Variants in BOLA3 observed in about 807,000 individuals in gnomAD.
BOLA3 encodes the protein bolA-like protein 3.
A neutral mutation model predicts 14.5 loss-of-function variants in BOLA3; 8 were observed. The observed-to-expected ratio is 0.55, with a 90% CI of 0.32 to 0.99. The LOEUF (loss-of-function observed/expected upper bound fraction) is 0.99, where lower values mean the gene tolerates loss of function less well. Among genes scored for constraint, BOLA3 ranks in the 50% least tolerant of loss-of-function variants. BOLA3 has a pLI of 0.04. For missense variants in BOLA3, 115 were observed against 138.2 expected (o/e 0.83, Z 0.84); for synonymous variants, 42 against 45.7 (o/e 0.92, Z 0.33).
intron 3 of BOLA3, among the ~76,000 whole-genome samples, chr2:74,139,050 C>T (rs1692387922): frequency 6.6e-6 from 1 of 152,116 alleles, no homozygotes; most frequent in Non-Finnish European, 1.5e-5. Flanking sequence ...GTAAGTATTT[C>T]CCAAGAGAAG....
At chr2:74,142,945 G>T (rs909753331) in intron 2 of BOLA3, among the ~76,000 whole-genome samples, 1 of 152,154 alleles carries the variant, frequency 6.6e-6, no homozygotes, top group African/African-American at 2.4e-5. Flanking sequence ...TTTGGGGGGA[G>T]AACTTTTTGG....
chr2:74,140,781 C>T (rs1332186270), intron 3 of BOLA3, among the ~76,000 whole-genome samples: 4 of 152,178 alleles, frequency 2.6e-5, no homozygotes, highest in Admixed American at 6.5e-5. Context: ...CAGTGGTCAA[C>T]GTGTACTTTA....
intron 2 of BOLA3, among the ~76,000 whole-genome samples, chr2:74,143,099 T>A (rs1009605225): frequency 6.6e-5 from 10 of 151,950 alleles, no homozygotes; most frequent in Non-Finnish European, 1.2e-4. Context: ...GTCCCCTGCA[T>A]GATTTACAGA....
chr2:74,143,687 A>AT (rs913427783), intron 2 of BOLA3, among the ~76,000 whole-genome samples: 51 of 148,894 alleles, frequency 3.4e-4, no homozygotes, highest in African/African-American at 5.7e-4. Flanking sequence ...ATTCCAGCAG[A>AT]TTTTTTTTTT....
At chr2:74,143,831 T>A (rs2001519) in intron 2 of BOLA3, among the ~76,000 whole-genome samples, 15,466 of 146,372 alleles carry the variant, frequency 0.11, 2,705 homozygotes, top group African/African-American at 0.37. Flanking sequence ...GGATTACAGG[T>A]GCCTGCTACC....
chr2:74,139,964 C>T (rs1367063497), intron 3 of BOLA3, among the ~76,000 whole-genome samples: 1 of 152,114 alleles, frequency 6.6e-6, no homozygotes. Context: ...CATAGTGGAA[C>T]CCCATCTCTA....
intron 2 of BOLA3, among the ~76,000 whole-genome samples, chr2:74,142,689 C>T (rs192484607): frequency 1.3e-3 from 200 of 152,314 alleles, no homozygotes; most frequent in Non-Finnish European, 1.3e-3. Flanking sequence ...ATAAACGCCA[C>T]GGAAGAGGAT....
intron 2 of BOLA3, among the ~76,000 whole-genome samples, chr2:74,143,167 T>A (rs1016705279): frequency 6.6e-6 from 1 of 152,008 alleles, no homozygotes; most frequent in African/African-American, 2.4e-5. Context: ...TGCTTCTTTT[T>A]TTTTTTGAGA....
chr2:74,136,987 A>G (rs1692343519), intron 3 of BOLA3, among the ~76,000 whole-genome samples: 1 of 152,232 alleles, frequency 6.6e-6, no homozygotes, highest in Non-Finnish European at 1.5e-5. Flanking sequence ...GGACCGCTCA[A>G]GTTTATAATC....
intron 3 of BOLA3, among the ~76,000 whole-genome samples, chr2:74,141,653 C>G (rs535813526): frequency 6.6e-6 from 1 of 152,228 alleles, no homozygotes; most frequent in Admixed American, 6.5e-5. Flanking sequence ...CTGTGCTTTA[C>G]AAAAATAACA....
chr2:74,145,016 CCTGA>C (rs1692518224), intron 2 of BOLA3, among the ~76,000 whole-genome samples, 169 bp downstream of exon 2: 1 of 152,170 alleles, frequency 6.6e-6, no homozygotes, highest in African/African-American at 2.4e-5. Flanking sequence ...ATTTCTGAAT[CCTGA>C]CTGCCATCCC....
chr2:74,145,995 C>CAT (rs952865058), intron 1 of BOLA3: 1 of 139,910 alleles, frequency 7.1e-6, no homozygotes, highest in Non-Finnish European at 1.6e-5. Flanking sequence ...TTTGTGTTTC[C>CAT]TTTTTTTTTT....
At chr2:74,142,025 G>A (rs1186352140) in intron 3 of BOLA3, among the ~76,000 whole-genome samples, 1 of 152,200 alleles carries the variant, frequency 6.6e-6, no homozygotes, top group Admixed American at 6.5e-5. Context: ...AGTAAACATA[G>A]GTAGCATTAT....
rs995996267 is a variant in BOLA3, at chr2:74,147,809, G to C, written c.54+12C>G. ...TCCCGGGGAGAGCAGCCCCGACCCT[G>C]CCCACGCTCACCCCGCGGATCCCGC... On this transcript the variant is annotated intron_variant, in intron 1 of 3. Transcript: ENST00000327428. The C allele has an allele frequency of 2.5e-4, 375 of 1,529,180 alleles. 3 individuals are homozygous for C. The African/African-American group carries it at 4.3e-3, about 17-fold the overall frequency. The allele number at this position is 1,529,180 out of a possible 1,614,324, so 94.7% of individuals were successfully genotyped here.
Position 74,135,541 on chromosome 2 carries a change from G to C in BOLA3, c.*52C>G. ...GACTGCTTAGGGAAGAATGATGTCAGTGAAGTTCATCCAAGGTCTTAAGCA... is the reference window on the plus strand; with the variant it reads ...GACTGCTTAGGGAAGAATGATGTCACTGAAGTTCATCCAAGGTCTTAAGCA... On this transcript the variant is annotated 3_prime_UTR_variant, in exon 4 of 4. Coordinates refer to ENST00000327428, the MANE Select transcript of BOLA3 (RefSeq NM_212552.3). 6.2e-7 allele frequency: 1 copy of C among 1,611,230 alleles called. No homozygotes were observed. The highest frequency in any genetic ancestry group is 1.1e-5 in the South Asian group (1 of 91,012).
intron 1 of BOLA3, 128 bp from the exon 2 acceptor site, chr2:74,145,431 T>C: frequency 2.8e-6 from 2 of 722,732 alleles, no homozygotes; most frequent in Non-Finnish European, 5.1e-6. Flanking sequence ...AGCACAGCCA[T>C]GGGTTATGTC....
At position 74,135,637 on chromosome 2, in the gene BOLA3, C is replaced by G. The variant is rs1166725845; in HGVS notation, c.280G>C (p.Glu94Gln). ...GTAAATATCCGCAATCCATGCATCT[C>G]TTTGATTTCTTCTTTTAGTGCCTAA... The part of the protein sequence containing the change: ...VNQALKEEIK[E>Q]MHGLRIFTSV... The change falls in exon 4 of 4, where the codon GAG (glutamate) becomes CAG (glutamine). Residue 94 changes from glutamate to glutamine, a missense_variant. Transcript: ENST00000327428. 2 of 1,613,770 alleles carry G rather than the reference C, an allele frequency of 1.2e-6. No individual in the cohort carries two copies. Among genetic ancestry groups the G allele is most frequent in the South Asian group, 2.2e-5 (2 of 91,046 alleles).
chr2:74,142,348 G>T lies in BOLA3; in HGVS notation c.182C>A (p.Ala61Glu), dbSNP rs759777200. ...TGATTCAATTTTAATTTCATACATC[G>T]CCCCACAACCTCCTAAAATAAACAT... ...KVTDISGGCG[A>E]MYEIKIESEE... The change falls in exon 3 of 4, where the codon GCG becomes GAG. Residue 61 changes from alanine to glutamate, a missense_variant. Physicochemically the swap from Ala to Glu is moderately radical, Grantham distance 107 (BLOSUM62 -1). Transcript: ENST00000327428. 1 of 1,611,968 alleles carries T rather than the reference G, an allele frequency of 6.2e-7. No individual in the cohort carries two copies. Among genetic ancestry groups the T allele is most frequent in the African/African-American group, 1.3e-5 (1 of 74,840 alleles).
chr2:74,143,478 T>A (rs1255423786), intron 2 of BOLA3, among the ~76,000 whole-genome samples: 1 of 151,982 alleles, frequency 6.6e-6, no homozygotes. Context: ...TTTCTTATAA[T>A]GTGCTCTAGG....
Sources: allele counts gnomAD v4.1 joint callset (sites outside exome capture counted in the v4.1 genomes callset), GRCh38; gene constraint gnomAD v4.1.1; transcripts MANE v1.5; gene names NCBI Gene and HGNC (gene_info 2026-07-23, HGNC 2026-07-21).